Variants in CFDP1 observed in about 807,000 individuals in gnomAD.
CFDP1 encodes the protein heterochromatin-stabilizing protein CFDP1.
Under a neutral mutation model 40.1 loss-of-function variants are expected in CFDP1, and 31 were observed. That is an observed-to-expected ratio of 0.77 (90% CI 0.58 to 1.04). CFDP1 has a LOEUF of 1.04. CFDP1 is among the 50% of genes least tolerant of loss of function. The probability of loss-of-function intolerance (pLI) is 0.00; values close to 1 mark genes in which losing one functional copy is unlikely to be tolerated. For synonymous variants in CFDP1, 167 were observed against 120.0 expected (o/e 1.39, Z -2.56); for missense variants, 423 against 343.4 (o/e 1.23, Z -1.83).
intron 5 of CFDP1, among the ~76,000 whole-genome samples, chr16:75,359,155 C>T (rs1235360787): frequency 6.6e-6 from 1 of 152,024 alleles, no homozygotes; most frequent in African/African-American, 2.4e-5. Context: ...CAGCTATCTT[C>T]GATTAAGCGA....
chr16:75,294,754 G>A (rs1198278513), intron 6 of CFDP1, among the ~76,000 whole-genome samples: 1 of 152,166 alleles, frequency 6.6e-6, no homozygotes, highest in African/African-American at 2.4e-5. Context: ...CTAAGAGAAT[G>A]AGTTTAAGGG....
At chr16:75,308,165 A>G (rs1031792143) in intron 5 of CFDP1, among the ~76,000 whole-genome samples, 3 of 152,212 alleles carry the variant, frequency 2.0e-5, no homozygotes, top group African/African-American at 7.2e-5. Context: ...AGCTCAAGCC[A>G]TTGGGGCTAG....
intron 5 of CFDP1, among the ~76,000 whole-genome samples, chr16:75,376,633 C>G (rs991962613): frequency 6.6e-6 from 1 of 152,112 alleles, no homozygotes; most frequent in Non-Finnish European, 1.5e-5. Context: ...TCTGGAGTGA[C>G]GGAATCATAC....
chr16:75,337,281 G>A (rs2078496021), intron 5 of CFDP1, among the ~76,000 whole-genome samples: 3 of 152,204 alleles, frequency 2.0e-5, no homozygotes, highest in African/African-American at 7.2e-5. Flanking sequence ...GTGGAGCAGC[G>A]GCCACAGGCA....
At chr16:75,428,564 C>T (rs2151605379) in intron 1 of CFDP1, among the ~76,000 whole-genome samples, 1 of 151,642 alleles carries the variant, frequency 6.6e-6, no homozygotes, top group East Asian at 2.0e-4. Flanking sequence ...TTGCAGTGAG[C>T]CGAGATTGCG....
intron 6 of CFDP1, among the ~76,000 whole-genome samples, chr16:75,294,299 G>C (rs377638400): frequency 6.6e-6 from 1 of 152,196 alleles, no homozygotes; most frequent in Non-Finnish European, 1.5e-5. Context: ...TTTCTAACAA[G>C]ACTTTAAGGG....
intron 5 of CFDP1, among the ~76,000 whole-genome samples, chr16:75,359,442 C>T (rs552780028): frequency 2.0e-5 from 3 of 152,158 alleles, no homozygotes; most frequent in South Asian, 2.1e-4. Context: ...GAGGCTAATA[C>T]GCTGTGAAGG....
At chr16:75,396,665 T>C (rs1395473902) in intron 4 of CFDP1, among the ~76,000 whole-genome samples, 1 of 106,404 alleles carries the variant, frequency 9.4e-6, no homozygotes, top group Admixed American at 1.2e-4. Context: ...GCAACATGAC[T>C]GAGAATTTTG....
intron 6 of CFDP1, among the ~76,000 whole-genome samples, chr16:75,300,431 G>A (rs1244858102): frequency 6.6e-6 from 1 of 152,134 alleles, no homozygotes; most frequent in East Asian, 1.9e-4. Flanking sequence ...GGGATTACAG[G>A]TGCCCACCAC....
chr16:75,334,745 A>G (rs565491365), intron 5 of CFDP1, among the ~76,000 whole-genome samples: 1 of 152,272 alleles, frequency 6.6e-6, no homozygotes, highest in South Asian at 2.1e-4. Flanking sequence ...ACTGGAGGTG[A>G]GGAGTTCAGG....
At chr16:75,367,978 A>AGGAG (rs1349515747) in intron 5 of CFDP1, among the ~76,000 whole-genome samples, 1 of 151,482 alleles carries the variant, frequency 6.6e-6, no homozygotes, top group African/African-American at 2.4e-5. Flanking sequence ...GGTGGTGGAC[A>AGGAG]CCTGTAATCC....
At chr16:75,384,644 G>T (rs570689019) in intron 5 of CFDP1, among the ~76,000 whole-genome samples, 73 of 152,012 alleles carry the variant, frequency 4.8e-4, no homozygotes, top group African/African-American at 1.6e-3. Flanking sequence ...AAAAACATAT[G>T]TGTAAGGATT....
rs1325778269 is a variant in CFDP1 at position 75,393,663 on chromosome 16, G to C, written c.650+1427C>G. Among the ~76,000 whole-genome samples, 4 of 145,008 alleles carry C rather than the reference G, an allele frequency of 2.8e-5. No homozygotes were observed. In the Admixed American group the frequency reaches 2.9e-4, roughly 10 times the overall value. ...GGAGAAGGGCGTGAACCCGGGAAGC[G>C]GAGCTTGCAGTGAGCCGAGATTGCG... On this transcript the variant is annotated intron_variant, in intron 5 of 6. Transcript: ENST00000283882.
At chr16:75,344,062 G>A (rs1425565256) in intron 5 of CFDP1, among the ~76,000 whole-genome samples, 2 of 152,166 alleles carry the variant, frequency 1.3e-5, no homozygotes, top group Non-Finnish European at 2.9e-5. Context: ...CTTATTTAGT[G>A]CAATTACTGT....
intron 5 of CFDP1, chr16:75,391,146 A>C (rs1170147148): frequency 6.6e-6 from 1 of 152,240 alleles, no homozygotes; most frequent in Non-Finnish European, 1.5e-5. Flanking sequence ...ATAGTAGCAA[A>C]GAGTATTTTC....
intron 4 of CFDP1, among the ~76,000 whole-genome samples, chr16:75,401,254 C>G (rs1280550615): frequency 6.6e-6 from 1 of 151,998 alleles, no homozygotes; most frequent in Non-Finnish European, 1.5e-5. Flanking sequence ...CAGTGAAACC[C>G]CGTCTCTACT....
chr16:75,366,836 T>A (rs2078717399), intron 5 of CFDP1, among the ~76,000 whole-genome samples: 1 of 151,784 alleles, frequency 6.6e-6, no homozygotes, highest in Admixed American at 6.6e-5. Flanking sequence ...TGTTCTAAAA[T>A]GAAATTGTAC....
At chr16:75,315,235 G>A (rs1381709652) in intron 5 of CFDP1, among the ~76,000 whole-genome samples, 1 of 150,792 alleles carries the variant, frequency 6.6e-6, no homozygotes, top group Non-Finnish European at 1.5e-5. Context: ...TGGGGGCTGA[G>A]GTGGGAGGTT....
intron 5 of CFDP1, among the ~76,000 whole-genome samples, chr16:75,390,308 T>C (rs1412925008): frequency 1.3e-5 from 2 of 152,364 alleles, no homozygotes; most frequent in East Asian, 3.9e-4. Context: ...CTGAGCCCTC[T>C]TCTCAACTAA....
Sources: gnomAD v4.1 joint callset for allele counts (sites outside exome capture counted in the v4.1 genomes callset) on GRCh38, gnomAD v4.1.1 for gene constraint, MANE v1.5 for transcripts, NCBI Gene and HGNC (gene_info 2026-07-23, HGNC 2026-07-21) for gene names.